NOL4: variants seen among roughly 807,000 people sequenced by gnomAD.
The protein encoded by NOL4 is cancer/testis antigen 125.
A neutral mutation model predicts 75.9 loss-of-function variants in NOL4; 17 were observed. The observed-to-expected ratio is 0.22, with a 90% CI of 0.15 to 0.34. The LOEUF is 0.34. Among genes scored for constraint, NOL4 ranks in the 10% least tolerant of loss-of-function variants. The pLI, the probability that NOL4 is intolerant of heterozygous loss-of-function variation, is 1.00. For synonymous variants in NOL4, 292 were observed against 289.9 expected, an observed-to-expected ratio of 1.01 and a Z score of -0.07; for missense variants, 614 against 793.5, an observed-to-expected ratio of 0.77 and a Z score of 2.72.
chr18:33,931,829 A>G (rs2067713527), intron 9 of NOL4, among the ~76,000 whole-genome samples: 1 of 152,110 alleles, frequency 6.6e-6, no homozygotes, highest in Non-Finnish European at 1.5e-5. Context: ...ACATAATCTT[A>G]GTTTGGTATA....
At chr18:33,938,285 T>C (rs1266207762) in intron 9 of NOL4, among the ~76,000 whole-genome samples, 1 of 152,054 alleles carries the variant, frequency 6.6e-6, no homozygotes, top group Non-Finnish European at 1.5e-5. Flanking sequence ...GCCCAACAAG[T>C]TTTTAGTAAA....
At chr18:33,885,327 T>A (rs997048939) in intron 9 of NOL4, among the ~76,000 whole-genome samples, 1 of 151,862 alleles carries the variant, frequency 6.6e-6, no homozygotes, top group Non-Finnish European at 1.5e-5. Flanking sequence ...ACAAACAGGA[T>A]CACATCAAGT....
chr18:34,085,319 T>A (rs184761684), intron 5 of NOL4, among the ~76,000 whole-genome samples: 235 of 152,322 alleles, frequency 1.5e-3, no homozygotes, highest in Non-Finnish European at 2.6e-3. Flanking sequence ...GTGCTGAAAC[T>A]GATTGAACTT....
At chr18:33,992,434 G>A (rs542649534) in intron 6 of NOL4, among the ~76,000 whole-genome samples, 3 of 151,934 alleles carry the variant, frequency 2.0e-5, no homozygotes, top group South Asian at 2.1e-4. Flanking sequence ...AACATACAAC[G>A]AACAAAAAGT....
At chr18:34,084,851 G>T (rs1386171248) in intron 5 of NOL4, among the ~76,000 whole-genome samples, 1 of 152,148 alleles carries the variant, frequency 6.6e-6, no homozygotes, top group African/African-American at 2.4e-5. Context: ...CAGCTGGCAT[G>T]CAACACCAGC....
chr18:34,054,613 T>C, intron 5 of NOL4, among the ~76,000 whole-genome samples: 1 of 151,992 alleles, frequency 6.6e-6, no homozygotes, highest in Non-Finnish European at 1.5e-5. Context: ...AATGTTAGTC[T>C]AGTAGACAGC....
intron 9 of NOL4, among the ~76,000 whole-genome samples, chr18:33,909,835 A>T (rs867190840): frequency 4.6e-4 from 67 of 146,158 alleles, no homozygotes; most frequent in African/African-American, 6.6e-4. Context: ...TAAAATATAT[A>T]AAAAAAAAAA....
At chr18:34,169,463 C>T (rs1212411075) in intron 1 of NOL4, among the ~76,000 whole-genome samples, 2 of 125,470 alleles carry the variant, frequency 1.6e-5, no homozygotes, top group African/African-American at 5.8e-5. Flanking sequence ...ATTGGGCAAA[C>T]AGGAAAAAAA....
intron 6 of NOL4, among the ~76,000 whole-genome samples, chr18:33,971,364 T>C (rs2145876748): frequency 6.6e-6 from 1 of 152,308 alleles, no homozygotes; most frequent in Middle Eastern, 3.4e-3. Flanking sequence ...CTCCATTGTT[T>C]TGTAGAAAGT....
At chr18:33,908,737 A>T (rs575357447) in intron 9 of NOL4, among the ~76,000 whole-genome samples, 2 of 152,296 alleles carry the variant, frequency 1.3e-5, no homozygotes, top group South Asian at 4.1e-4. Context: ...TGTGAAGTTA[A>T]ATTTTAAGAG....
At chr18:33,883,965 G>C (rs772321912) in intron 9 of NOL4, among the ~76,000 whole-genome samples, 17 of 152,030 alleles carry the variant, frequency 1.1e-4, no homozygotes, top group Admixed American at 4.6e-4. Flanking sequence ...GGAGCTACTG[G>C]GGAGTCTTCT....
chr18:34,138,473 G>A (rs895254878), intron 1 of NOL4, among the ~76,000 whole-genome samples: 1 of 152,072 alleles, frequency 6.6e-6, no homozygotes, highest in Non-Finnish European at 1.5e-5. Flanking sequence ...AAAAAATAAG[G>A]ACTGGCTGTT....
intron 8 of NOL4, among the ~76,000 whole-genome samples, chr18:33,954,827 T>A (rs1167876333): frequency 4.6e-5 from 7 of 151,920 alleles, no homozygotes; most frequent in Non-Finnish European, 1.0e-4. Flanking sequence ...TAATAAAGAC[T>A]GAGGTGAAAG....
chr18:34,124,141 T>C (rs1395028289), intron 2 of NOL4, among the ~76,000 whole-genome samples: 1 of 152,194 alleles, frequency 6.6e-6, no homozygotes, highest in Non-Finnish European at 1.5e-5. Flanking sequence ...ATTTGTCTGT[T>C]GTGTTATTTT....
chr18:33,891,047 T>A (rs1290289406), intron 9 of NOL4, among the ~76,000 whole-genome samples: 1 of 151,362 alleles, frequency 6.6e-6, no homozygotes, highest in Non-Finnish European at 1.5e-5. Flanking sequence ...GAGAAAGAAA[T>A]TTATATAATA....
chr18:34,051,892 G>T (rs1260086753), intron 5 of NOL4, among the ~76,000 whole-genome samples: 1 of 151,868 alleles, frequency 6.6e-6, no homozygotes, highest in Non-Finnish European at 1.5e-5. Flanking sequence ...AGTAGAAATA[G>T]GGATAAAATT....
At chr18:33,875,421 A>T (rs533956182) in intron 10 of NOL4, among the ~76,000 whole-genome samples, 4 of 152,218 alleles carry the variant, frequency 2.6e-5, no homozygotes, top group African/African-American at 9.6e-5. Flanking sequence ...AGCTCCAAAC[A>T]AATGGAGGTT....
chr18:33,937,809 C>T (rs1052510080), intron 9 of NOL4, among the ~76,000 whole-genome samples: 2 of 152,084 alleles, frequency 1.3e-5, no homozygotes, highest in African/African-American at 2.4e-5. Flanking sequence ...TAATTATAAA[C>T]AGTAAACTAG....
intron 9 of NOL4, among the ~76,000 whole-genome samples, chr18:33,906,416 TA>T (rs2066047880): frequency 6.6e-6 from 1 of 152,200 alleles, no homozygotes. Flanking sequence ...GCTAGCTCTC[TA>T]AATAAGGTCA....
Sources: allele counts gnomAD v4.1 joint callset (sites outside exome capture counted in the v4.1 genomes callset), GRCh38; gene constraint gnomAD v4.1.1; transcripts MANE v1.5; gene names NCBI Gene and HGNC (gene_info 2026-07-23, HGNC 2026-07-21).